FAM162A: variants seen among roughly 807,000 people sequenced by gnomAD.
FAM162A encodes family with sequence similarity 162 member A, also known as protein FAM162A.
Under a neutral mutation model 21.8 loss-of-function variants are expected in FAM162A, and 23 were observed. That is an observed-to-expected ratio of 1.05 (90% CI 0.76 to 1.49). FAM162A has a LOEUF of 1.49. Among genes scored for constraint, FAM162A ranks in the 40% most tolerant of loss-of-function variants. The pLI is 0.00. For synonymous variants in FAM162A, 53 were observed against 61.3 expected (o/e 0.86, Z 0.64); for missense variants, 165 against 186.4 (o/e 0.89, Z 0.67).
chr3:122,402,940 T>G, intron 2 of FAM162A, 58 bp downstream of exon 2: 1 of 1,534,860 alleles, frequency 6.5e-7, no homozygotes, highest in Middle Eastern at 1.7e-4. Flanking sequence ...TAGGAAAACT[T>G]GGAATCAAAA....
At chr3:122,389,648 G>A (rs1343720011) in intron 1 of FAM162A, among the ~76,000 whole-genome samples, 2 of 152,118 alleles carry the variant, frequency 1.3e-5, no homozygotes, top group African/African-American at 4.8e-5. Flanking sequence ...GTTTTATACA[G>A]CTATTAAAAG....
At position 122,410,015 on chromosome 3, in the gene FAM162A, G is replaced by T; in HGVS notation, c.*184G>T. On this transcript the variant is annotated 3_prime_UTR_variant, in exon 5 of 5. Coordinates refer to ENST00000477892, the MANE Select transcript of FAM162A (RefSeq NM_014367.4). The stretch of plus-strand genomic sequence containing the variant: ...TCTTAAATAATGACTGTGTTTTATT[G>T]TTTTGATCCAAGTCAAGTGTAGCCT... 1.5e-6 allele frequency: 1 copy of T among 646,554 alleles called. No individual in the cohort carries two copies. Among genetic ancestry groups the T allele is most frequent in the Non-Finnish European group, 2.8e-6 (1 of 357,980 alleles). The allele number at this position is 646,554 out of a possible 1,614,324, so 40.1% of individuals were successfully genotyped here. A position where few individuals can be genotyped will look rare whatever the true frequency, so the allele number is the denominator to read the frequency against.
intron 1 of FAM162A, among the ~76,000 whole-genome samples, chr3:122,398,603 GTTTC>G (rs2075639745): frequency 6.6e-6 from 1 of 152,090 alleles, no homozygotes; most frequent in Non-Finnish European, 1.5e-5. Flanking sequence ...CTAAAGACTG[GTTTC>G]TTTAACAAAT....
rs188462222 is a variant in FAM162A at position 122,405,012 on chromosome 3, G to A, written c.263+649G>A. Among the ~76,000 whole-genome samples, 25 of 152,250 alleles carry A rather than the reference G, an allele frequency of 1.6e-4. No homozygotes were observed. In the East Asian group the frequency reaches 3.3e-3, roughly 20 times the overall value. On this transcript the variant is annotated intron_variant, in intron 3 of 4. Coordinates refer to ENST00000477892, the MANE Select transcript of FAM162A (RefSeq NM_014367.4). Reference sequence around the variant, plus strand: ...GCCCCCTACATGCCCGTAGCATTGCGGCAGTGCTGACAACCAGAAATGTCT... The same window carrying A: ...GCCCCCTACATGCCCGTAGCATTGCAGCAGTGCTGACAACCAGAAATGTCT...
intron 1 of FAM162A, among the ~76,000 whole-genome samples, chr3:122,388,652 G>A (rs145195857): frequency 2.6e-5 from 4 of 152,282 alleles, no homozygotes; most frequent in Non-Finnish European, 4.4e-5. Context: ...GTGGTACAAT[G>A]TAAGGAGGCA....
chr3:122,392,763 C>A (rs1428597154), intron 1 of FAM162A, among the ~76,000 whole-genome samples: 1 of 152,164 alleles, frequency 6.6e-6, no homozygotes, highest in African/African-American at 2.4e-5. Context: ...CTATGAAAAT[C>A]TATTGAAGAG....
chr3:122,386,569 A>AG (rs1244304224), intron 1 of FAM162A, among the ~76,000 whole-genome samples: 2 of 146,480 alleles, frequency 1.4e-5, no homozygotes, highest in East Asian at 3.9e-4. Context: ...AAAAAAAAAA[A>AG]AAAAAGAAAA....
intron 1 of FAM162A, among the ~76,000 whole-genome samples, chr3:122,386,393 A>G (rs2107694081): frequency 6.6e-6 from 1 of 152,168 alleles, no homozygotes; most frequent in East Asian, 1.9e-4. Flanking sequence ...TACAAAAAAA[A>G]CTTTTAAAAA....
At position 122,404,382 on chromosome 3, in the gene FAM162A, A is replaced by AT; in HGVS notation, c.263+21dup. On this transcript the variant is annotated intron_variant, in intron 3 of 4. Coordinates refer to ENST00000477892, the MANE Select transcript of FAM162A (RefSeq NM_014367.4). ...CTGTCTCGTGAGTGCTGAATTTAGTATTACAAGCAGCTTTCATTTCTCACT... is the reference window on the plus strand; with the variant it reads ...CTGTCTCGTGAGTGCTGAATTTAGTATTTACAAGCAGCTTTCATTTCTCACT... 7.4e-7 allele frequency: 1 copy of AT among 1,347,430 alleles called. No homozygotes were observed. Among genetic ancestry groups the AT allele is most frequent in the Non-Finnish European group, 1.0e-6 (1 of 953,506 alleles). 83.5% of individuals were successfully genotyped at this position (1,347,430 alleles called of 1,614,324 possible).
intron 3 of FAM162A, among the ~76,000 whole-genome samples, chr3:122,405,040 A>G (rs60260272): frequency 0.017 from 2,664 of 152,312 alleles, 92 homozygotes; most frequent in African/African-American, 0.06. Context: ...AAATGTCTCC[A>G]GACACTGCCA....
intron 1 of FAM162A, among the ~76,000 whole-genome samples, chr3:122,386,430 A>C (rs547251453): frequency 6.6e-6 from 1 of 152,174 alleles, no homozygotes; most frequent in South Asian, 2.1e-4. Context: ...GCTCAAACCC[A>C]TAGTCTCAGC....
At chr3:122,395,499 C>G (rs564399059) in intron 1 of FAM162A, among the ~76,000 whole-genome samples, 1 of 152,262 alleles carries the variant, frequency 6.6e-6, no homozygotes, top group Admixed American at 6.5e-5. Flanking sequence ...AAAACGTACT[C>G]TGGAAATTGC....
chr3:122,391,972 G>T (rs2075606200), intron 1 of FAM162A, among the ~76,000 whole-genome samples: 1 of 152,164 alleles, frequency 6.6e-6, no homozygotes, highest in Non-Finnish European at 1.5e-5. Flanking sequence ...CCAGTAGAAT[G>T]CAAGTTCTAT....
At position 122,411,018 on chromosome 3, in the gene FAM162A, T is replaced by C. The variant is rs887468067; in HGVS notation, c.*1187T>C. 6.6e-6 allele frequency: 1 copy of C among 152,254 alleles called. No individual in the cohort carries two copies. The highest frequency in any genetic ancestry group is 2.4e-5 in the African/African-American group (1 of 41,474). The allele number at this position is 152,254 out of a possible 1,614,324, so 9.4% of individuals were successfully genotyped here. A position where few individuals can be genotyped will look rare whatever the true frequency, so the allele number is the denominator to read the frequency against. ...TATAAAATAAACGGTATCATAGGTA[T>C]GTATGTATACGAAAAACATAGTATA... is the stretch of plus-strand genomic sequence containing the variant. On this transcript the variant is annotated 3_prime_UTR_variant, in exon 5 of 5. Coordinates refer to ENST00000477892, the MANE Select transcript of FAM162A (RefSeq NM_014367.4).
At chr3:122,394,128 C>T (rs2075616469) in intron 1 of FAM162A, among the ~76,000 whole-genome samples, 1 of 152,094 alleles carries the variant, frequency 6.6e-6, no homozygotes, top group African/African-American at 2.4e-5. Context: ...AGGTGCCACA[C>T]ACTTTTAAAC....
At chr3:122,402,376 T>C (rs1252179176) in intron 1 of FAM162A, among the ~76,000 whole-genome samples, 2 of 152,096 alleles carry the variant, frequency 1.3e-5, no homozygotes, top group Non-Finnish European at 2.9e-5. Flanking sequence ...ATCAGCATCG[T>C]ATTGGCAACT....
rs2075659431 is a variant in FAM162A at position 122,402,881 on chromosome 3, C to T, written c.156C>T (p.Ser52=). Residue 52 remains serine, a splice_region_variant and synonymous_variant, in exon 2 of 5, where the codon TCC becomes TCT. Coordinates refer to ENST00000477892, the MANE Select transcript of FAM162A (RefSeq NM_014367.4). Reference sequence around the variant, plus strand: ...CACAGGAAAGTCCCGGAGCTCCATCCCGTAAGTTTTTATTTTTTCTATTTA... The same window carrying T: ...CACAGGAAAGTCCCGGAGCTCCATCTCGTAAGTTTTTATTTTTTCTATTTA... ...TKPQESPGAP[S]RTYNRVPLHK... is the part of the protein sequence containing the mutation. 6.3e-7 allele frequency: 1 copy of T among 1,585,000 alleles called. No homozygotes were observed. Among genetic ancestry groups the T allele is most frequent in the Non-Finnish European group, 8.5e-7 (1 of 1,171,806 alleles).
rs781609459 is a variant in FAM162A, at chr3:122,384,288, G to T, written c.23G>T (p.Arg8Leu). Residue 8 changes from arginine to leucine, a missense_variant, in exon 1 of 5, where the codon CGC (arginine) becomes CTC (leucine). Arg to Leu is a moderately radical substitution (Grantham distance 102, BLOSUM62 -2). Coordinates refer to ENST00000477892, the MANE Select transcript of FAM162A (RefSeq NM_014367.4). Reference sequence around the variant, plus strand: ...GCCATGGGGAGCCTCAGCGGTCTGCGCCTGGCAGCAGGTGAGACGCCGGTC... The same window carrying T: ...GCCATGGGGAGCCTCAGCGGTCTGCTCCTGGCAGCAGGTGAGACGCCGGTC... The part of the protein sequence containing the change: MGSLSGL[R>L]LAAGSCFRLC... 3 of 1,579,442 alleles carry T rather than the reference G, an allele frequency of 1.9e-6. No individual in the cohort carries two copies. Among genetic ancestry groups the T allele is most frequent in the South Asian group, 2.3e-5 (2 of 86,096 alleles).
chr3:122,400,590 C>T (rs962856785), intron 1 of FAM162A, among the ~76,000 whole-genome samples: 6 of 151,796 alleles, frequency 4.0e-5, no homozygotes, highest in South Asian at 4.2e-4. Flanking sequence ...TTTGGGAGGC[C>T]GAGGCAGGCG....
Sources: gnomAD v4.1 joint callset for allele counts (sites outside exome capture counted in the v4.1 genomes callset) on GRCh38, gnomAD v4.1.1 for gene constraint, MANE v1.5 for transcripts, NCBI Gene and HGNC (gene_info 2026-07-23, HGNC 2026-07-21) for gene names.